Variants in KDM1B observed in about 807,000 individuals in gnomAD.
KDM1B encodes lysine-specific histone demethylase 2.
KDM1B carries 63 observed loss-of-function variants against 107.4 expected under a neutral mutation model. The observed-to-expected ratio is 0.59, with a 90% CI of 0.48 to 0.72. The LOEUF is 0.72. Among genes scored for constraint, KDM1B ranks in the 30% least tolerant of loss-of-function variants. KDM1B has a pLI of 0.00. For synonymous variants in KDM1B, 363 were observed against 363.9 expected (o/e 1.00, Z 0.03); for missense variants, 749 against 1,020.8 (o/e 0.73, Z 3.63).
chr6:18,215,887 A>G (rs1789188515), intron 20 of KDM1B, among the ~76,000 whole-genome samples: 1 of 152,188 alleles, frequency 6.6e-6, no homozygotes, highest in Non-Finnish European at 1.5e-5. Context: ...ACATGCAGAT[A>G]GTCTCTTTTC....
rs1789068590 is a variant in KDM1B at position 18,214,393 on chromosome 6, CAG to C, written c.2110-612_2110-611del. Among the ~76,000 whole-genome samples, 1 of 152,158 alleles carries C rather than the reference CAG, an allele frequency of 6.6e-6. No homozygotes were observed. Among genetic ancestry groups the C allele is most frequent in the African/African-American group, 2.4e-5 (1 of 41,432 alleles). On this transcript the variant is annotated intron_variant, in intron 19 of 21. Transcript: ENST00000650836. This position sits in a 1 kb window ranked among gnomAD's most constrained non-coding sequence, Gnocchi z 4.4. The stretch of plus-strand genomic sequence containing the variant: ...TTTTTATTTTTCATTGTTTTATCTG[CAG>C]ATTTTCCTTCTCCATCTCTTTCTAC...
In KDM1B at chr6:18,155,508, C is replaced by A. The variant is rs987035553; in HGVS notation, c.-121C>A. On this transcript the variant is annotated 5_prime_UTR_variant, in exon 1 of 22. Transcript: ENST00000650836. The surrounding 1 kb of genome is among the most constrained non-coding windows in gnomAD (Gnocchi z 6.2). ...GGCTGCAGCCGTCCTGTGCGCGCGG[C>A]GCGCGGCTCCGGAGAGGCGCCCGCA... is the stretch of plus-strand genomic sequence containing the variant. 1 of 153,316 alleles carries A rather than the reference C, an allele frequency of 6.5e-6. No homozygotes were observed. The highest frequency in any genetic ancestry group is 2.4e-5 in the African/African-American group (1 of 41,376). The allele number at this position is 153,316 out of a possible 1,614,324, so 9.5% of individuals were successfully genotyped here.
intron 9 of KDM1B, among the ~76,000 whole-genome samples, chr6:18,190,949 C>T (rs1582150380): frequency 6.6e-6 from 1 of 151,250 alleles, no homozygotes; most frequent in East Asian, 1.9e-4. Context: ...CATTTTTTTA[C>T]CACAGTTAAA....
chr6:18,215,140 G>T lies in KDM1B; in HGVS notation c.2232+11G>T. The T allele has an allele frequency of 6.2e-7, 1 of 1,609,046 alleles. No individual in the cohort carries two copies. On this transcript the variant is annotated intron_variant, in intron 20 of 21. Coordinates refer to ENST00000650836, the MANE Select transcript of KDM1B (RefSeq NM_001364614.2). Reference sequence around the variant, plus strand: ...CTGTTCAAGGAGCAGGTGAGAGAGAGGAAGCCCTCCTTGAAAGGGGCAAGC... The same window carrying T: ...CTGTTCAAGGAGCAGGTGAGAGAGATGAAGCCCTCCTTGAAAGGGGCAAGC...
At position 18,161,343 on chromosome 6, in the gene KDM1B, C is replaced by G; in HGVS notation, c.104C>G (p.Thr35Arg). ...SSGRQAKKKATETTDEDEDGG... is the reference protein window; with the variant it reads ...SSGRQAKKKARETTDEDEDGG... ...CTCCCTTAGGCGAAGAAGAAAGCAA[C>G]AGAGACAACAGATGAGGATGAAGAT... Residue 35 changes from threonine (T) to arginine (R), a missense_variant, in exon 4 of 22, where the codon ACA becomes AGA. Transcript: ENST00000650836. 6.2e-7 allele frequency: 1 copy of G among 1,613,854 alleles called. No individual in the cohort carries two copies.
At chr6:18,210,602 C>A (rs1028356908) in intron 17 of KDM1B, among the ~76,000 whole-genome samples, 5 of 151,886 alleles carry the variant, frequency 3.3e-5, no homozygotes, top group South Asian at 2.1e-4. Flanking sequence ...CTTAAGCAAT[C>A]CTCTTGCCTC....
chr6:18,189,881 C>T (rs1045933380), intron 9 of KDM1B, among the ~76,000 whole-genome samples: 6 of 152,082 alleles, frequency 3.9e-5, no homozygotes, highest in Non-Finnish European at 8.8e-5. Flanking sequence ...CACAGTGGCT[C>T]ACACCTGTAA....
At chr6:18,178,542 A>G (rs1786204094) in intron 7 of KDM1B, among the ~76,000 whole-genome samples, 1 of 151,474 alleles carries the variant, frequency 6.6e-6, no homozygotes. Context: ...ACAGGCACAC[A>G]TCACCATGCC....
intron 21 of KDM1B, among the ~76,000 whole-genome samples, chr6:18,220,245 C>T (rs113758653): frequency 5.3e-5 from 8 of 152,284 alleles, no homozygotes; most frequent in African/African-American, 1.7e-4. Flanking sequence ...ATATAGTTAC[C>T]GTTTTTGTTT....
At chr6:18,189,509 T>G (rs1250724631) in intron 9 of KDM1B, among the ~76,000 whole-genome samples, 11 of 152,234 alleles carry the variant, frequency 7.2e-5, no homozygotes, top group Non-Finnish European at 1.3e-4. Flanking sequence ...CTTTTCACAT[T>G]GCTTGTAATA....
chr6:18,187,869 G>T lies in KDM1B; in HGVS notation c.651G>T (p.Ala217=). 6.5e-7 allele frequency: 1 copy of T among 1,550,210 alleles called. No individual in the cohort carries two copies. Among genetic ancestry groups the T allele is most frequent in the Non-Finnish European group, 8.7e-7 (1 of 1,146,818 alleles). The change falls in exon 9 of 22, where the codon GCG becomes GCT. Residue 217 remains alanine (A), a synonymous_variant. Coordinates refer to ENST00000650836, the MANE Select transcript of KDM1B (RefSeq NM_001364614.2). The part of the protein sequence containing the change: ...LPPLLKDSVA[A]PLLSAYYPDC... ...CTTTGCTGAAAGACAGTGTGGCAGCGCCCCTGCTGTCTGCCTACTACCCTG... is the reference window on the plus strand; with the variant it reads ...CTTTGCTGAAAGACAGTGTGGCAGCTCCCCTGCTGTCTGCCTACTACCCTG...
intron 6 of KDM1B, among the ~76,000 whole-genome samples, chr6:18,171,073 G>A (rs938679582): frequency 1.3e-5 from 2 of 152,096 alleles, no homozygotes; most frequent in African/African-American, 4.8e-5. Context: ...GCCCGCCTTG[G>A]CCTCCCAAAG....
chr6:18,171,381 G>A lies in KDM1B; in HGVS notation c.436G>A (p.Glu146Lys). The A allele has an allele frequency of 6.2e-7, 1 of 1,605,070 alleles. No individual in the cohort carries two copies. Among genetic ancestry groups the A allele is most frequent in the Non-Finnish European group, 8.5e-7 (1 of 1,171,754 alleles). Reference protein sequence around the residue: ...LPYWVQCTKPECRKWRQLTKE... With the variant: ...LPYWVQCTKPKCRKWRQLTKE... Reference sequence around the variant, plus strand: ...CATCTAGGTTCAGTGTACAAAACCTGAGTGTAGAAAATGGAGGCAGCTTAC... The same window carrying A: ...CATCTAGGTTCAGTGTACAAAACCTAAGTGTAGAAAATGGAGGCAGCTTAC... Residue 146 changes from glutamate (E) to lysine (K), a missense_variant, in exon 7 of 22, where the codon GAG becomes AAG. Transcript: ENST00000650836.
Position 18,197,810 on chromosome 6 carries a change from T to C in KDM1B, c.1221+149T>C. On this transcript the variant is annotated intron_variant, in intron 12 of 21. Transcript: ENST00000650836. The surrounding 1 kb of genome is among the most constrained non-coding windows in gnomAD (Gnocchi z 4.5). ...TTAGGTCCTAGAAAAGTTATAAAAC[T>C]TGAAATTGATTTCATAAGAAAAAGG... The C allele has an allele frequency of 3.8e-6, 2 of 526,646 alleles. No homozygotes were observed. Among genetic ancestry groups the C allele is most frequent in the Non-Finnish European group, 3.3e-6 (1 of 301,324 alleles). The allele number at this position is 526,646 out of a possible 1,614,324, so 32.6% of individuals were successfully genotyped here.
intron 6 of KDM1B, among the ~76,000 whole-genome samples, chr6:18,166,867 T>A (rs78343294): frequency 6.7e-6 from 1 of 148,450 alleles, no homozygotes; most frequent in Non-Finnish European, 1.5e-5. Flanking sequence ...AAAAAAAAAA[T>A]GGTTTTAAAA....
In KDM1B at chr6:18,155,436, A is replaced by AGCG. The variant is rs545050827; in HGVS notation, c.-175_-173dup. On this transcript the variant is annotated 5_prime_UTR_variant, in exon 1 of 22. Transcript: ENST00000650836. This position sits in a 1 kb window ranked among gnomAD's most constrained non-coding sequence, Gnocchi z 6.2. ...CGGGTCACGCCGTGACAGGGGCGGA[A>AGCG]GCGGCGGCGGCGGCGGCGGCCGAGA... 555 of 158,130 alleles carry AGCG rather than the reference A, an allele frequency of 3.5e-3. 4 individuals are homozygous for AGCG. The highest frequency in any genetic ancestry group is 7.7e-3 in the South Asian group (44 of 5,724). The allele number at this position is 158,130 out of a possible 1,614,324, so 9.8% of individuals were successfully genotyped here.
At chr6:18,174,720 T>C (rs556521521) in intron 7 of KDM1B, among the ~76,000 whole-genome samples, 1 of 152,294 alleles carries the variant, frequency 6.6e-6, no homozygotes, top group African/African-American at 2.4e-5. Flanking sequence ...TGTTTGGTTT[T>C]CCATTCCTGA....
rs766626436 is a variant in KDM1B, at chr6:18,197,224, C to G, written c.1137C>G (p.Asp379Glu). 1.0e-4 allele frequency: 169 copies of G among 1,613,522 alleles called. 2 individuals are homozygous for G. The East Asian group carries it at 3.7e-3, about 36-fold the overall frequency. Residue 379 changes from aspartate to glutamate, a missense_variant, in exon 11 of 22, where the codon GAC becomes GAG. Asp to Glu is a conservative substitution (Grantham distance 45). Transcript: ENST00000650836. The surrounding 1 kb of genome is among the most constrained non-coding windows in gnomAD (Gnocchi z 4.5). ...CCGACCAGTATCTTCTCCCTAAGGA[C>G]TACCACAATGTAGGTGATTATAGCT... ...VGADQYLLPKDYHNKSVIIIG... is the reference protein window; with the variant it reads ...VGADQYLLPKEYHNKSVIIIG...
chr6:18,183,526 C>T (rs1484559152), intron 7 of KDM1B, among the ~76,000 whole-genome samples: 1 of 151,960 alleles, frequency 6.6e-6, no homozygotes, highest in African/African-American at 2.4e-5. Context: ...TCCCAAAATG[C>T]AGGGATTACA....
Sources: gnomAD v4.1 joint callset for allele counts (sites outside exome capture counted in the v4.1 genomes callset) on GRCh38, gnomAD v4.1.1 for gene constraint, Gnocchi (gnomAD v3.1) non-coding constraint, MANE v1.5 for transcripts, NCBI Gene and HGNC (gene_info 2026-07-23, HGNC 2026-07-21) for gene names.